Variants in FGF12 observed in about 807,000 individuals in gnomAD.
The protein encoded by FGF12 is fibroblast growth factor 12, also known as fibroblast growth factor 12B.
FGF12 carries 14 observed loss-of-function variants against 23.6 expected under a neutral mutation model. That is an observed-to-expected ratio of 0.59 (90% CI 0.39 to 0.93). FGF12 has a LOEUF of 0.93. FGF12 is among the 40% of genes least tolerant of loss of function. The pLI, the probability that FGF12 is intolerant of heterozygous loss-of-function variation, is 0.00. For synonymous variants in FGF12, 62 were observed against 77.3 expected (o/e 0.80, Z 1.04); for missense variants, 175 against 217.8 (o/e 0.80, Z 1.24).
chr3:192,473,095 C>T lies in FGF12; in HGVS notation c.14-112557G>A, dbSNP rs111777349. Among the ~76,000 whole-genome samples the T allele has an allele frequency of 4.3e-3, 654 of 152,222 alleles. 1 individual carries two copies. The highest frequency in any genetic ancestry group is 8.8e-3 in the African/African-American group (364 of 41,536). ...CACTGTGATTTCTTTCAGTTCAGAG[C>T]CTATGAGTTTACTCATCTTTGTAAT... On this transcript the variant is annotated intron_variant, in intron 2 of 5. Transcript: ENST00000445105.
intron 2 of FGF12, among the ~76,000 whole-genome samples, chr3:192,461,976 G>A (rs1246329976): frequency 6.6e-6 from 1 of 150,952 alleles, no homozygotes; most frequent in Non-Finnish European, 1.5e-5. Flanking sequence ...GGCAACAAGA[G>A]CGAAACTCTG....
Position 192,660,730 on chromosome 3 carries a change from CCATA to C in FGF12, c.13+66447_13+66450del, listed in dbSNP as rs1716635379. Among the ~76,000 whole-genome samples, 3 of 152,020 alleles carry C rather than the reference CCATA, an allele frequency of 2.0e-5. No individual in the cohort carries two copies. In the South Asian group the frequency reaches 6.2e-4, roughly 31 times the overall value. On this transcript the variant is annotated intron_variant, in intron 2 of 5. Coordinates refer to ENST00000445105, the MANE Select transcript of FGF12 (RefSeq NM_004113.6). ...GAGATACTTCCTTATTTAGGCAGAA[CCATA>C]CTAATAGACCTCCTAAAAATTAGTG...
At chr3:192,433,534 C>T (rs1721926203) in intron 2 of FGF12, among the ~76,000 whole-genome samples, 1 of 152,126 alleles carries the variant, frequency 6.6e-6, no homozygotes, top group East Asian at 1.9e-4. Context: ...TAATTTTTGT[C>T]TGTAAATGTT....
intron 2 of FGF12, among the ~76,000 whole-genome samples, chr3:192,511,645 T>C (rs1277874174): frequency 6.6e-6 from 1 of 152,214 alleles, no homozygotes; most frequent in African/African-American, 2.4e-5. Flanking sequence ...TTAGCAATAT[T>C]GTTTAGCATC....
intron 4 of FGF12, chr3:192,283,097 A>C (rs1714245092): frequency 6.6e-6 from 1 of 152,144 alleles, no homozygotes; most frequent in Non-Finnish European, 1.5e-5. Context: ...GCCTTTGAAA[A>C]ATAATGTAAA....
At chr3:192,537,732 C>A (rs1206945941) in intron 2 of FGF12, among the ~76,000 whole-genome samples, 5 of 152,106 alleles carry the variant, frequency 3.3e-5, no homozygotes, top group Non-Finnish European at 7.3e-5. Context: ...TATTTTCCCC[C>A]ATTCTGTGGG....
intron 4 of FGF12, among the ~76,000 whole-genome samples, chr3:192,285,079 T>C (rs1202367626): frequency 6.6e-6 from 1 of 152,064 alleles, no homozygotes; most frequent in East Asian, 1.9e-4. Context: ...TAAGTACTAT[T>C]TGGGATTTAC....
intron 4 of FGF12, among the ~76,000 whole-genome samples, chr3:192,252,859 A>C (rs137938982): frequency 9.8e-5 from 15 of 152,302 alleles, no homozygotes; most frequent in Non-Finnish European, 2.1e-4. Context: ...GCATTATATC[A>C]AGTGTGCTTT....
intron 2 of FGF12, among the ~76,000 whole-genome samples, chr3:192,579,236 G>A (rs1011967087): frequency 6.6e-6 from 1 of 152,226 alleles, no homozygotes; most frequent in Non-Finnish European, 1.5e-5. Context: ...TAATAAGCCT[G>A]TTTCCAATAA....
chr3:192,141,261 G>A lies in FGF12; in HGVS notation c.*2748C>T, dbSNP rs574802153. The A allele has an allele frequency of 1.3e-5, 2 of 149,434 alleles. No homozygotes were observed. Among genetic ancestry groups the A allele is most frequent in the African/African-American group, 2.5e-5 (1 of 40,674 alleles). 9.3% of individuals were successfully genotyped at this position (149,434 alleles called of 1,614,324 possible). A position where few individuals can be genotyped will look rare whatever the true frequency, so the allele number is the denominator to read the frequency against. ...ACTTGAAATAAGCCTGAAAAACAAAGTACTTAAACTCAACCATATTTTTGG... is the reference window on the plus strand; with the variant it reads ...ACTTGAAATAAGCCTGAAAAACAAAATACTTAAACTCAACCATATTTTTGG... On this transcript the variant is annotated 3_prime_UTR_variant, in exon 6 of 6. Coordinates refer to ENST00000445105, the MANE Select transcript of FGF12 (RefSeq NM_004113.6).
intron 2 of FGF12, among the ~76,000 whole-genome samples, chr3:192,589,416 G>A (rs1180492384): frequency 1.3e-5 from 2 of 151,718 alleles, no homozygotes; most frequent in African/African-American, 4.8e-5. Context: ...ATACGAGCAG[G>A]TTGTGCTAAA....
rs140540065 is a variant in FGF12, at chr3:192,204,789, G to A, written c.229-34133C>T. On this transcript the variant is annotated intron_variant, in intron 4 of 5. Transcript: ENST00000445105. ...TAGCCTCAGCTACTTAGGAGGTTGA[G>A]GCAGGAGAATTTCCTGAACCTGGGA... Among the ~76,000 whole-genome samples the A allele has an allele frequency of 2.3e-3, 344 of 152,228 alleles. 3 individuals are homozygous for A. The highest frequency in any genetic ancestry group is 7.5e-3 in the African/African-American group (311 of 41,538).
chr3:192,397,807 T>C (rs1208939190), intron 2 of FGF12, among the ~76,000 whole-genome samples: 2 of 152,210 alleles, frequency 1.3e-5, no homozygotes, highest in South Asian at 2.1e-4. Flanking sequence ...AGATCCCTAC[T>C]TTGGGCACTT....
intron 2 of FGF12, among the ~76,000 whole-genome samples, chr3:192,615,794 CAAA>C (rs1714733388): frequency 6.6e-6 from 1 of 151,748 alleles, no homozygotes; most frequent in Non-Finnish European, 1.5e-5. Context: ...GAATTAAAGA[CAAA>C]GAATATTTAA....
chr3:192,486,703 G>A (rs902830104), intron 2 of FGF12, among the ~76,000 whole-genome samples: 6 of 151,962 alleles, frequency 3.9e-5, no homozygotes, highest in South Asian at 2.1e-4. Flanking sequence ...GAGTGGAATG[G>A]GAAGACATTG....
chr3:192,338,091 T>A (rs1321456985), intron 3 of FGF12, among the ~76,000 whole-genome samples: 2 of 152,150 alleles, frequency 1.3e-5, no homozygotes, highest in Non-Finnish European at 2.9e-5. Flanking sequence ...GGCTCCCTAA[T>A]GTGGTTACCT....
intron 2 of FGF12, among the ~76,000 whole-genome samples, chr3:192,707,574 C>T (rs576382853): frequency 5.3e-5 from 8 of 151,784 alleles, no homozygotes; most frequent in East Asian, 3.9e-4. Context: ...GGTGAAACCC[C>T]GTCTCTACTA....
intron 2 of FGF12, among the ~76,000 whole-genome samples, chr3:192,622,212 G>A (rs183675301): frequency 1.9e-4 from 29 of 152,300 alleles, no homozygotes; most frequent in African/African-American, 6.0e-4. Context: ...TGAGAGACAG[G>A]AAGGCTATGG....
intron 4 of FGF12, among the ~76,000 whole-genome samples, chr3:192,310,544 A>G (rs1461962896): frequency 6.6e-6 from 1 of 152,208 alleles, no homozygotes; most frequent in East Asian, 1.9e-4. Flanking sequence ...CAGAATTGAT[A>G]CATACATTTC....
Sources: gnomAD v4.1 joint callset for allele counts (sites outside exome capture counted in the v4.1 genomes callset) on GRCh38, gnomAD v4.1.1 for gene constraint, MANE v1.5 for transcripts, NCBI Gene and HGNC (gene_info 2026-07-23, HGNC 2026-07-21) for gene names.